CCND2: variants seen among roughly 807,000 people sequenced by gnomAD.
The protein encoded by CCND2 is G1/S-specific cyclin-D2.
CCND2 carries 6 observed loss-of-function variants against 30.2 expected under a neutral mutation model. The ratio of observed to expected loss-of-function variants is 0.20; its 90% CI spans 0.11 to 0.39. The LOEUF (loss-of-function observed/expected upper bound fraction) is 0.39, where lower values mean the gene tolerates loss of function less well. CCND2 is among the 10% of genes least tolerant of loss of function. The probability of loss-of-function intolerance (pLI) is 1.00; values close to 1 mark genes in which losing one functional copy is unlikely to be tolerated. For missense variants in CCND2, 235 were observed against 373.4 expected (o/e 0.63, Z 3.06); for synonymous variants, 150 against 153.1 (o/e 0.98, Z 0.15).
intron 4 of CCND2, among the ~76,000 whole-genome samples, chr12:4,290,532 C>T (rs1324217174): frequency 6.6e-6 from 1 of 152,226 alleles, no homozygotes; most frequent in African/African-American, 2.4e-5. Flanking sequence ...ACAAGCCCTT[C>T]CTCAATGCCT....
intron 3 of CCND2, among the ~76,000 whole-genome samples, chr12:4,288,353 C>T (rs888911047): frequency 2.6e-5 from 4 of 151,826 alleles, no homozygotes; most frequent in Admixed American, 1.3e-4. Flanking sequence ...TCTCCCATCT[C>T]CTTGTACTTT....
At position 4,301,026 on chromosome 12, in the gene CCND2, T is replaced by G. The variant is rs1445066266; in HGVS notation, c.*1017T>G. On this transcript the variant is annotated 3_prime_UTR_variant, in exon 5 of 5. Transcript: ENST00000261254. Reference sequence around the variant, plus strand: ...CGATAGATGGGATGGTTTATGCAAGTCATGCTGAATACTCCTCCCCTCTTC... The same window carrying G: ...CGATAGATGGGATGGTTTATGCAAGGCATGCTGAATACTCCTCCCCTCTTC... 1 of 233,572 alleles carries G rather than the reference T, an allele frequency of 4.3e-6. No individual in the cohort carries two copies. Among genetic ancestry groups the G allele is most frequent in the African/African-American group, 2.2e-5 (1 of 45,328 alleles). The allele number at this position is 233,572 out of a possible 1,614,324, so 14.5% of individuals were successfully genotyped here. A position where few individuals can be genotyped will look rare whatever the true frequency, so the allele number is the denominator to read the frequency against.
rs989924597 is a variant in CCND2 at position 4,282,123 on chromosome 12, C to T, written c.571+3204C>T. ...AAGGCCATTGGAGATGACCTGGGTT[C>T]GCACTCTGGCACTGGGAGATTGTTG... On this transcript the variant is annotated intron_variant, in intron 3 of 4. Coordinates refer to ENST00000261254, the MANE Select transcript of CCND2 (RefSeq NM_001759.4). The surrounding 1 kb of genome is among the most constrained non-coding windows in gnomAD (Gnocchi z 4.3). Among the ~76,000 whole-genome samples, 26 of 152,142 alleles carry T rather than the reference C, an allele frequency of 1.7e-4. No individual in the cohort carries two copies. Among genetic ancestry groups the T allele is most frequent in the African/African-American group, 5.1e-4 (21 of 41,432 alleles).
At chr12:4,295,471 G>T (rs1864156677) in intron 4 of CCND2, among the ~76,000 whole-genome samples, 4 of 152,072 alleles carry the variant, frequency 2.6e-5, no homozygotes. Flanking sequence ...CCAGTCAGAG[G>T]GGTCATCAGT....
intron 4 of CCND2, among the ~76,000 whole-genome samples, chr12:4,292,307 T>G (rs1055216176): frequency 1.3e-5 from 2 of 152,162 alleles, no homozygotes; most frequent in African/African-American, 2.4e-5. Context: ...CTGGCCCTAG[T>G]GCATTGACAA....
Position 4,282,003 on chromosome 12 carries a change from C to A in CCND2, c.571+3084C>A, listed in dbSNP as rs1863954460. Among the ~76,000 whole-genome samples the A allele has an allele frequency of 6.6e-6, 1 of 152,142 alleles. No individual in the cohort carries two copies. Among genetic ancestry groups the A allele is most frequent in the African/African-American group, 2.4e-5 (1 of 41,432 alleles). The stretch of plus-strand genomic sequence containing the variant: ...GACTACAGCTCCTAGCATTCCTGTT[C>A]CTGGAGTTTCCAAAACTGGGGAAGC... On this transcript the variant is annotated intron_variant, in intron 3 of 4. Transcript: ENST00000261254. The surrounding 1 kb of genome is among the most constrained non-coding windows in gnomAD (Gnocchi z 4.3).
chr12:4,276,360 C>G lies in CCND2; in HGVS notation c.411+140C>G. ...CCAATAGAATTTACCCACTTATGGGCGATAGCTCATTTAATAGGAAACCAC... is the reference window on the plus strand; with the variant it reads ...CCAATAGAATTTACCCACTTATGGGGGATAGCTCATTTAATAGGAAACCAC... On this transcript the variant is annotated intron_variant, in intron 2 of 4. Transcript: ENST00000261254. The surrounding 1 kb of genome is among the most constrained non-coding windows in gnomAD (Gnocchi z 4.8). 2 of 666,978 alleles carry G rather than the reference C, an allele frequency of 3.0e-6. No homozygotes were observed. The highest frequency in any genetic ancestry group is 5.1e-6 in the Non-Finnish European group (2 of 394,944). The allele number at this position is 666,978 out of a possible 1,614,324, so 41.3% of individuals were successfully genotyped here.
rs1864059399 is a variant in CCND2 at position 4,288,939 on chromosome 12, C to A, written c.669C>A (p.Leu223=). 6.2e-7 allele frequency: 1 copy of A among 1,613,948 alleles called. No individual in the cohort carries two copies. The highest frequency in any genetic ancestry group is 8.5e-7 in the Non-Finnish European group (1 of 1,179,950). ...AGCAGGATGAGGAAGTGAGCTCGCT[C>A]ACTTGTGATGCCCTGACTGAGCTGC... ...GLQQDEEVSS[L]TCDALTELLA... The change falls in exon 4 of 5, where the codon CTC becomes CTA. Residue 223 remains leucine (L), a synonymous_variant. Transcript: ENST00000261254.
intron 3 of CCND2, among the ~76,000 whole-genome samples, chr12:4,279,431 TTCTAGCTGTTTGCTTC>T (rs973457090): frequency 2.6e-5 from 4 of 151,910 alleles, no homozygotes; most frequent in Non-Finnish European, 4.4e-5. Context: ...ATTTATGGCC[TTCTAGCTGTTTGCTTC>T]TCTAGCTGTT....
chr12:4,284,220 T>G (rs1254758122), intron 3 of CCND2, among the ~76,000 whole-genome samples: 1 of 152,194 alleles, frequency 6.6e-6, no homozygotes, highest in Non-Finnish European at 1.5e-5. Context: ...GGCACTGTGC[T>G]TTTACAAGGA....
Position 4,293,133 on chromosome 12 carries a change from C to A in CCND2, c.720+4143C>A, listed in dbSNP as rs1490190553. Among the ~76,000 whole-genome samples the A allele has an allele frequency of 6.6e-6, 1 of 152,170 alleles. No homozygotes were observed. The highest frequency in any genetic ancestry group is 1.9e-4 in the East Asian group (1 of 5,196). On this transcript the variant is annotated intron_variant, in intron 4 of 4. Transcript: ENST00000261254. The surrounding 1 kb of genome is among the most constrained non-coding windows in gnomAD (Gnocchi z 4.9). ...TGTCCTTTGAAAAGCTGTGTCTTTT[C>A]TTTAACTTCAATTCTGTGTCAGGGC...
At chr12:4,288,095 C>T (rs1345893350) in intron 3 of CCND2, among the ~76,000 whole-genome samples, 1 of 152,096 alleles carries the variant, frequency 6.6e-6, no homozygotes, top group Admixed American at 6.5e-5. Context: ...AGTTAGAGCC[C>T]TATGTTAGGG....
chr12:4,274,133 C>A lies in CCND2; in HGVS notation c.93C>A (p.Leu31=), dbSNP rs1422005817. 6.2e-7 allele frequency: 1 copy of A among 1,613,980 alleles called. No individual in the cohort carries two copies. The highest frequency in any genetic ancestry group is 1.3e-5 in the African/African-American group (1 of 74,928). Residue 31 remains leucine, a synonymous_variant, in exon 1 of 5, where the codon CTC becomes CTA. Coordinates refer to ENST00000261254, the MANE Select transcript of CCND2 (RefSeq NM_001759.4). The surrounding 1 kb of genome is among the most constrained non-coding windows in gnomAD (Gnocchi z 7.7). ...ACGACCGCGTCCTGCAGAACCTGCT[C>A]ACCATCGAGGAGCGCTACCTTCCGC... is the stretch of plus-strand genomic sequence containing the variant. ...LRDDRVLQNL[L]TIEERYLPQC... is the part of the protein sequence containing the mutation.
Position 4,300,271 on chromosome 12 carries a change from G to T in CCND2, c.*262G>T. On this transcript the variant is annotated 3_prime_UTR_variant, in exon 5 of 5. Coordinates refer to ENST00000261254, the MANE Select transcript of CCND2 (RefSeq NM_001759.4). ...ACAGTTATTGTTTGATTATGTAAAA[G>T]TAATAGTAAAATGCTTACAGGAAAA... The T allele has an allele frequency of 2.7e-6, 1 of 374,850 alleles. No individual in the cohort carries two copies. The highest frequency in any genetic ancestry group is 4.8e-6 in the Non-Finnish European group (1 of 207,062). 23.2% of individuals were successfully genotyped at this position (374,850 alleles called of 1,614,324 possible).
chr12:4,277,406 C>T (rs1452918358), intron 2 of CCND2, among the ~76,000 whole-genome samples: 1 of 152,192 alleles, frequency 6.6e-6, no homozygotes, highest in African/African-American at 2.4e-5. Flanking sequence ...CGGCTGTACA[C>T]AGAAAGCCAA....
chr12:4,283,982 C>T (rs1394905266), intron 3 of CCND2, among the ~76,000 whole-genome samples: 1 of 152,222 alleles, frequency 6.6e-6, no homozygotes, highest in Non-Finnish European at 1.5e-5. Context: ...GTGACAGATT[C>T]TCCAGGAAGC....
At position 4,288,949 on chromosome 12, in the gene CCND2, G is replaced by A; in HGVS notation, c.679G>A (p.Ala227Thr). ...DEEVSSLTCD[A>T]LTELLAKITN... is the part of the protein sequence containing the mutation. ...GGAAGTGAGCTCGCTCACTTGTGAT[G>A]CCCTGACTGAGCTGCTGGCTAAGAT... Residue 227 changes from alanine (A) to threonine (T), a missense_variant, in exon 4 of 5, where the codon GCC becomes ACC. Physicochemically the swap from Ala to Thr is moderately conservative, Grantham distance 58. Around this residue, in one of 2 missense-constraint regions of CCND2, gnomAD observed 178 missense variants for 322.8 expected, o/e 0.55. Coordinates refer to ENST00000261254, the MANE Select transcript of CCND2 (RefSeq NM_001759.4). 6.2e-7 allele frequency: 1 copy of A among 1,613,862 alleles called. No individual in the cohort carries two copies. The highest frequency in any genetic ancestry group is 8.5e-7 in the Non-Finnish European group (1 of 1,179,886).
In CCND2 at chr12:4,273,960, C is replaced by T; in HGVS notation, c.-81C>T. 4 of 1,385,588 alleles carry T rather than the reference C, an allele frequency of 2.9e-6. No individual in the cohort carries two copies. Among genetic ancestry groups the T allele is most frequent in the Non-Finnish European group, 3.9e-6 (4 of 1,019,426 alleles). The allele number at this position is 1,385,588 out of a possible 1,614,324, so 85.8% of individuals were successfully genotyped here. On this transcript the variant is annotated 5_prime_UTR_variant, in exon 1 of 5. Coordinates refer to ENST00000261254, the MANE Select transcript of CCND2 (RefSeq NM_001759.4). This position sits in a 1 kb window ranked among gnomAD's most constrained non-coding sequence, Gnocchi z 5.9. ...AAGGAGGTCAGGGGAACGCTCTCCC[C>T]TCCCCTTCCAAAAAACAAAAACAGA...
Position 4,287,602 on chromosome 12 carries a change from C to T in CCND2, c.572-1240C>T, listed in dbSNP as rs962419759. 6.6e-6 allele frequency among the ~76,000 whole-genome samples: 1 copy of T among 152,206 alleles called. No individual in the cohort carries two copies. Among genetic ancestry groups the T allele is most frequent in the South Asian group, 2.1e-4 (1 of 4,836 alleles). The stretch of plus-strand genomic sequence containing the variant: ...AGCGTGATGGCTGCAACTATACCCA[C>T]CCTAATATCTGTCAACACGAGCAGG... On this transcript the variant is annotated intron_variant, in intron 3 of 4. Transcript: ENST00000261254. This position sits in a 1 kb window ranked among gnomAD's most constrained non-coding sequence, Gnocchi z 4.0.
Sources: allele counts gnomAD v4.1 joint callset (sites outside exome capture counted in the v4.1 genomes callset), GRCh38; gene constraint gnomAD v4.1.1; regional missense constraint gnomAD v4.1.1; non-coding constraint Gnocchi (gnomAD v3.1); transcripts MANE v1.5; gene names NCBI Gene and HGNC (gene_info 2026-07-23, HGNC 2026-07-21).